Variants in SWT1 observed in about 807,000 individuals in gnomAD.
The protein encoded by SWT1 is SWT1 RNA endoribonuclease homolog.
Under a neutral mutation model 107.3 loss-of-function variants are expected in SWT1, and 33 were observed. The observed-to-expected ratio is 0.31, with a 90% CI of 0.23 to 0.41. The LOEUF (loss-of-function observed/expected upper bound fraction) is 0.41, where lower values mean the gene tolerates loss of function less well. Among genes scored for constraint, SWT1 ranks in the 10% least tolerant of loss-of-function variants. The pLI, the probability that SWT1 is intolerant of heterozygous loss-of-function variation, is 1.00. For synonymous variants in SWT1, 345 were observed against 348.3 expected (o/e 0.99, Z 0.11); for missense variants, 898 against 1,028.9 (o/e 0.87, Z 1.74).
At chr1:185,199,595 G>T (rs976487830) in intron 10 of SWT1, among the ~76,000 whole-genome samples, 1 of 152,194 alleles carries the variant, frequency 6.6e-6, no homozygotes, top group African/African-American at 2.4e-5. Context: ...GGCTTGTAGG[G>T]TTTCTGCTGA....
chr1:185,206,991 CTG>C, intron 13 of SWT1, among the ~76,000 whole-genome samples: 1 of 152,292 alleles, frequency 6.6e-6, no homozygotes, highest in African/African-American at 2.4e-5. Flanking sequence ...GAGCTTGTGA[CTG>C]TAAATGGTAT....
chr1:185,167,476 C>T (rs908647019), intron 3 of SWT1, among the ~76,000 whole-genome samples: 3 of 152,118 alleles, frequency 2.0e-5, no homozygotes, highest in Admixed American at 1.3e-4. Flanking sequence ...AGTGGAAGTT[C>T]CAGGGATGCA....
chr1:185,230,211 A>C (rs1474127619), intron 15 of SWT1, among the ~76,000 whole-genome samples: 2 of 152,240 alleles, frequency 1.3e-5, no homozygotes, highest in Non-Finnish European at 2.9e-5. Flanking sequence ...TTTATTAAGC[A>C]TACTCATTCT....
At chr1:185,171,804 T>G (rs1182880605) in intron 4 of SWT1, 1 of 356,110 alleles carries the variant, frequency 2.8e-6, no homozygotes, top group Non-Finnish European at 5.4e-6. Flanking sequence ...CTCCAACTCT[T>G]GGGCTCAAGT....
rs1664257353 is a variant in SWT1 at position 185,276,610 on chromosome 1, A to G, written c.2515A>G (p.Lys839Glu). ...YNFLIKYEVNKNVKFTAQEIY... is the reference protein window; with the variant it reads ...YNFLIKYEVNENVKFTAQEIY... Reference sequence around the variant, plus strand: ...ATATCTTGGTTCCTTTCAGGTAAATAAAAATGTCAAATTTACTGCCCAGGA... The same window carrying G: ...ATATCTTGGTTCCTTTCAGGTAAATGAAAATGTCAAATTTACTGCCCAGGA... The change falls in exon 18 of 19, where the codon AAA becomes GAA. Residue 839 changes from lysine (K) to glutamate (E), a missense_variant. Physicochemically the swap from Lys to Glu is moderately conservative, Grantham distance 56. Around this residue, in one of 6 missense-constraint regions of SWT1, gnomAD observed 382 missense variants for 460.0 expected, o/e 0.83. Coordinates refer to ENST00000367500, the MANE Select transcript of SWT1 (RefSeq NM_017673.7). The G allele has an allele frequency of 6.3e-7, 1 of 1,577,098 alleles. No homozygotes were observed. The highest frequency in any genetic ancestry group is 8.7e-7 in the Non-Finnish European group (1 of 1,152,402).
intron 1 of SWT1, among the ~76,000 whole-genome samples, chr1:185,160,513 C>T (rs566595113): frequency 2.5e-4 from 38 of 152,024 alleles, no homozygotes; most frequent in African/African-American, 8.9e-4. Context: ...CCAGCCTGAC[C>T]AACATGGTGA....
intron 17 of SWT1, among the ~76,000 whole-genome samples, chr1:185,272,538 C>G (rs1663944950): frequency 6.6e-6 from 1 of 152,138 alleles, no homozygotes; most frequent in African/African-American, 2.4e-5. Context: ...ATTAAGAACA[C>G]AGACTCTGAA....
intron 16 of SWT1, among the ~76,000 whole-genome samples, chr1:185,257,178 C>T (rs1298195312): frequency 6.6e-6 from 1 of 152,176 alleles, no homozygotes; most frequent in Non-Finnish European, 1.5e-5. Flanking sequence ...CCACTGCTCT[C>T]TTCAAAGCTG....
chr1:185,221,723 AT>A (rs1242264660), intron 14 of SWT1, 125 bp from the exon 15 acceptor site: 2 of 614,648 alleles, frequency 3.3e-6, no homozygotes, highest in Non-Finnish European at 5.5e-6. Flanking sequence ...TATGTACATA[AT>A]AAAAGAAAAA....
Position 185,212,887 on chromosome 1 carries a change from A to G in SWT1, c.1973-1620A>G, listed in dbSNP as rs1182078467. Among the ~76,000 whole-genome samples, 8 of 152,224 alleles carry G rather than the reference A, an allele frequency of 5.3e-5. No individual in the cohort carries two copies. In the South Asian group the frequency reaches 1.0e-3, roughly 20 times the overall value. On this transcript the variant is annotated intron_variant, in intron 13 of 18. Coordinates refer to ENST00000367500, the MANE Select transcript of SWT1 (RefSeq NM_017673.7). ...ATGTTCTTGTGTACTATCTTTTAATAATACCTTCAGCTGTTGAATTATATA... is the reference window on the plus strand; with the variant it reads ...ATGTTCTTGTGTACTATCTTTTAATGATACCTTCAGCTGTTGAATTATATA...
At chr1:185,269,213 C>G (rs1663652921) in intron 16 of SWT1, among the ~76,000 whole-genome samples, 1 of 152,094 alleles carries the variant, frequency 6.6e-6, no homozygotes. Context: ...CCTTGCCTTT[C>G]TAAAGGATTG....
At chr1:185,203,789 A>T (rs941753655) in intron 11 of SWT1, among the ~76,000 whole-genome samples, 43 of 152,116 alleles carry the variant, frequency 2.8e-4, no homozygotes, top group Non-Finnish European at 5.9e-4. Flanking sequence ...GAAGTCTCTA[A>T]TATATGTGCA....
intron 9 of SWT1, among the ~76,000 whole-genome samples, chr1:185,186,685 G>A (rs1453979303): frequency 1.3e-5 from 2 of 151,686 alleles, no homozygotes; most frequent in African/African-American, 2.4e-5. Context: ...GAATAGAGGT[G>A]ATATTTACCT....
At chr1:185,159,378 T>C (rs1653944450) in intron 1 of SWT1, among the ~76,000 whole-genome samples, 1 of 152,160 alleles carries the variant, frequency 6.6e-6, no homozygotes, top group Non-Finnish European at 1.5e-5. Context: ...TAAACATAAG[T>C]GTTTTTCTGG....
At chr1:185,177,899 C>A (rs1250666224) in intron 5 of SWT1, among the ~76,000 whole-genome samples, 2 of 152,124 alleles carry the variant, frequency 1.3e-5, no homozygotes, top group African/African-American at 4.8e-5. Context: ...GGAATTCGTT[C>A]ATTTATCAAA....
chr1:185,213,184 C>A (rs1301825583), intron 13 of SWT1, among the ~76,000 whole-genome samples: 1 of 152,120 alleles, frequency 6.6e-6, no homozygotes, highest in South Asian at 2.1e-4. Flanking sequence ...ATGTAAGCCT[C>A]ATTAAACATA....
At chr1:185,162,172 G>C (rs183536463) in intron 2 of SWT1, among the ~76,000 whole-genome samples, 6 of 152,154 alleles carry the variant, frequency 3.9e-5, no homozygotes, top group African/African-American at 7.2e-5. Context: ...CTGGCATGCT[G>C]TTTGCAATTA....
intron 16 of SWT1, among the ~76,000 whole-genome samples, chr1:185,245,935 AT>A (rs1271027612): frequency 6.6e-6 from 1 of 151,472 alleles, no homozygotes; most frequent in Non-Finnish European, 1.5e-5. Flanking sequence ...TGCCTGGCTA[AT>A]TTTTGTATTT....
At chr1:185,234,905 A>G (rs1251406928) in intron 16 of SWT1, among the ~76,000 whole-genome samples, 3 of 152,194 alleles carry the variant, frequency 2.0e-5, no homozygotes, top group Admixed American at 6.5e-5. Flanking sequence ...CAGAAATACA[A>G]ACTACCATCA....
Sources: gnomAD v4.1 joint callset for allele counts (sites outside exome capture counted in the v4.1 genomes callset) on GRCh38, gnomAD v4.1.1 for gene constraint, gnomAD v4.1.1 regional missense constraint, MANE v1.5 for transcripts, NCBI Gene and HGNC (gene_info 2026-07-23, HGNC 2026-07-21) for gene names.